Variants in NHLRC2 observed in about 807,000 individuals in gnomAD.
NHLRC2 encodes NHL repeat containing 2, also known as NHL repeat-containing protein 2.
A neutral mutation model predicts 68.1 loss-of-function variants in NHLRC2; 33 were observed. The ratio of observed to expected loss-of-function variants is 0.48; its 90% confidence interval spans 0.37 to 0.65. The LOEUF is 0.65. Among genes scored for constraint, NHLRC2 ranks in the 30% least tolerant of loss-of-function variants. The pLI is 0.00. For missense variants in NHLRC2, 761 were observed against 853.8 expected, an observed-to-expected ratio of 0.89 and a Z score of 1.35; for synonymous variants, 311 against 309.6, an observed-to-expected ratio of 1.00 and a Z score of -0.05.
At chr10:113,873,701 A>G (rs1172373938) in intron 2 of NHLRC2, among the ~76,000 whole-genome samples, 1 of 152,210 alleles carries the variant, frequency 6.6e-6, no homozygotes, top group Admixed American at 6.5e-5. Context: ...AGCAGAGAAC[A>G]AGGGCAAACC....
rs562992047 is a variant in NHLRC2, at chr10:113,875,402, T to C, written c.332-1119T>C. On this transcript the variant is annotated intron_variant, in intron 2 of 10. Transcript: ENST00000369301. ...TCATACTCAGAAATAAGGAGCCACC[T>C]TCCCCAGCTGTTCTCCTCAGGGTTT... Among the ~76,000 whole-genome samples the C allele has an allele frequency of 9.9e-5, 15 of 152,280 alleles. No homozygotes were observed. The South Asian group carries it at 3.1e-3, about 32-fold the overall frequency.
intron 5 of NHLRC2, among the ~76,000 whole-genome samples, chr10:113,885,862 T>C (rs905020851): frequency 6.6e-6 from 1 of 151,994 alleles, no homozygotes; most frequent in Non-Finnish European, 1.5e-5. Context: ...TAAATGTACA[T>C]TTTTATACTA....
intron 6 of NHLRC2, among the ~76,000 whole-genome samples, chr10:113,899,964 C>T (rs183835055): frequency 1.3e-5 from 2 of 151,816 alleles, no homozygotes; most frequent in Admixed American, 6.6e-5. Context: ...AAGAGGAAGA[C>T]GCAACATCAG....
At chr10:113,868,562 T>G (rs1845891922) in intron 2 of NHLRC2, among the ~76,000 whole-genome samples, 1 of 152,188 alleles carries the variant, frequency 6.6e-6, no homozygotes, top group Non-Finnish European at 1.5e-5. Flanking sequence ...ATAAATTCCT[T>G]CAGTATTTAT....
Position 113,915,347 on chromosome 10 carries a change from A to G in NHLRC2, c.*6811A>G. 2.4e-6 allele frequency: 1 copy of G among 408,280 alleles called. No individual in the cohort carries two copies. The highest frequency in any genetic ancestry group is 1.8e-5 in the South Asian group (1 of 55,092). The allele number at this position is 408,280 out of a possible 1,614,324, so 25.3% of individuals were successfully genotyped here. On this transcript the variant is annotated 3_prime_UTR_variant, in exon 11 of 11. Transcript: ENST00000369301. ...CCTTATACCAAAAAGCATTCTTGTA[A>G]CTGTCAGGGCATGGTATGAATTCCT...
rs771983485 is a variant in NHLRC2 at position 113,867,040 on chromosome 10, C to T, written c.331+8360C>T. 2.6e-5 allele frequency among the ~76,000 whole-genome samples: 4 copies of T among 152,278 alleles called. No individual in the cohort carries two copies. The South Asian group carries it at 8.3e-4, about 32-fold the overall frequency. On this transcript the variant is annotated intron_variant, in intron 2 of 10. Coordinates refer to ENST00000369301, the MANE Select transcript of NHLRC2 (RefSeq NM_198514.4). The stretch of plus-strand genomic sequence containing the variant: ...AAATAACCAAGGCTTTTATTGGGGG[C>T]TGGTCATGTAGGCAGCTTCTGCCTG...
In NHLRC2 at chr10:113,886,564, C is replaced by T. The variant is rs531080683; in HGVS notation, c.1039+2184C>T. Among the ~76,000 whole-genome samples, 25 of 152,176 alleles carry T rather than the reference C, an allele frequency of 1.6e-4. No individual in the cohort carries two copies. In the South Asian group the frequency reaches 4.8e-3, roughly 29 times the overall value. On this transcript the variant is annotated intron_variant, in intron 5 of 10. Transcript: ENST00000369301. The stretch of plus-strand genomic sequence containing the variant: ...TCAACCAATATAACAGGATAGAAAA[C>T]CCAGAAATAAACCCAAGTATTTACA...
chr10:113,891,273 T>A (rs956823395), intron 5 of NHLRC2, among the ~76,000 whole-genome samples: 1 of 152,220 alleles, frequency 6.6e-6, no homozygotes, highest in African/African-American at 2.4e-5. Context: ...CTAGGTTCTT[T>A]AACATACTAT....
At chr10:113,868,681 A>C (rs1845893314) in intron 2 of NHLRC2, among the ~76,000 whole-genome samples, 1 of 152,248 alleles carries the variant, frequency 6.6e-6, no homozygotes, top group African/African-American at 2.4e-5. Context: ...AAAAGAAGGC[A>C]TATAATTAAA....
At chr10:113,894,354 T>A (rs1490977532) in intron 5 of NHLRC2, among the ~76,000 whole-genome samples, 3 of 152,188 alleles carry the variant, frequency 2.0e-5, no homozygotes, top group Non-Finnish European at 4.4e-5. Context: ...AAATCTTTTT[T>A]ACCCTTAGGT....
chr10:113,898,036 T>A (rs1019309875), intron 5 of NHLRC2, 74 bp from the exon 6 acceptor site: 2 of 753,198 alleles, frequency 2.7e-6, no homozygotes, highest in African/African-American at 3.5e-5. Flanking sequence ...TCCATAAATT[T>A]AACATTTTAA....
rs2134746831 is a variant in NHLRC2, at chr10:113,911,090, C to T, written c.*2554C>T. 1 of 152,170 alleles carries T rather than the reference C, an allele frequency of 6.6e-6. No individual in the cohort carries two copies. Among genetic ancestry groups the T allele is most frequent in the African/African-American group, 2.4e-5 (1 of 41,534 alleles). 9.4% of individuals were successfully genotyped at this position (152,170 alleles called of 1,614,324 possible). A position where few individuals can be genotyped will look rare whatever the true frequency, so the allele number is the denominator to read the frequency against. Reference sequence around the variant, plus strand: ...TTTCTTGTTGGATAAATTATTATGTCCAGTGATAGTTTAAAAAGAACAAGA... The same window carrying T: ...TTTCTTGTTGGATAAATTATTATGTTCAGTGATAGTTTAAAAAGAACAAGA... On this transcript the variant is annotated 3_prime_UTR_variant, in exon 11 of 11. Transcript: ENST00000369301.
At chr10:113,901,517 T>G in intron 6 of NHLRC2, 149 bp from the exon 7 acceptor site, 1 of 620,944 alleles carries the variant, frequency 1.6e-6, no homozygotes, top group South Asian at 2.0e-5. Context: ...GAAAGCTGAC[T>G]TGAACAATTT....
intron 2 of NHLRC2, among the ~76,000 whole-genome samples, chr10:113,866,860 A>G (rs941063403): frequency 3.3e-5 from 5 of 151,870 alleles, no homozygotes; most frequent in African/African-American, 9.7e-5. Flanking sequence ...AAGCAGAATC[A>G]GGAAAGGGAA....
At position 113,901,732 on chromosome 10, in the gene NHLRC2, C is replaced by G. The variant is rs1299533665; in HGVS notation, c.1206C>G (p.Ala402=). 1.9e-6 allele frequency: 3 copies of G among 1,614,190 alleles called. No homozygotes were observed. Among genetic ancestry groups the G allele is most frequent in the Non-Finnish European group, 2.5e-6 (3 of 1,180,008 alleles). Residue 402 remains alanine (A), a synonymous_variant, in exon 7 of 11, where the codon GCC becomes GCG. Transcript: ENST00000369301. The part of the protein sequence containing the change: ...GSGNEENRNN[A]YPHKAGFAQP... ...GAAATGAAGAGAATCGAAACAATGC[C>G]TATCCTCACAAGGCAGGTTTTGCCC...
At position 113,910,011 on chromosome 10, in the gene NHLRC2, T is replaced by A. The variant is rs1846311705; in HGVS notation, c.*1475T>A. The A allele has an allele frequency of 6.6e-6, 1 of 152,198 alleles. No homozygotes were observed. The highest frequency in any genetic ancestry group is 1.5e-5 in the Non-Finnish European group (1 of 68,036). The allele number at this position is 152,198 out of a possible 1,614,324, so 9.4% of individuals were successfully genotyped here. ...AAGTAAGGATGTATAAATCATGACA[T>A]TGATTTAATTAGTCATCTACTGAAG... On this transcript the variant is annotated 3_prime_UTR_variant, in exon 11 of 11. Coordinates refer to ENST00000369301, the MANE Select transcript of NHLRC2 (RefSeq NM_198514.4).
chr10:113,903,051 G>C (rs1846242016), intron 8 of NHLRC2, among the ~76,000 whole-genome samples: 1 of 151,976 alleles, frequency 6.6e-6, no homozygotes, highest in South Asian at 2.1e-4. Context: ...AAAATCAGTG[G>C]ATAATAAATG....
chr10:113,863,001 A>T (rs1161089408), intron 2 of NHLRC2, among the ~76,000 whole-genome samples: 1 of 152,220 alleles, frequency 6.6e-6, no homozygotes, highest in African/African-American at 2.4e-5. Flanking sequence ...TACATAGATG[A>T]TATGATTATA....
At position 113,889,298 on chromosome 10, in the gene NHLRC2, T is replaced by C. The variant is rs1846111299; in HGVS notation, c.1039+4918T>C. 2.0e-5 allele frequency among the ~76,000 whole-genome samples: 3 copies of C among 152,318 alleles called. No homozygotes were observed. The South Asian group carries it at 6.2e-4, about 32-fold the overall frequency. On this transcript the variant is annotated intron_variant, in intron 5 of 10. Transcript: ENST00000369301. ...ACCTTTAATGGTTGAAATCCAACTA[T>C]TTAGTATGCTAGTCTGATAATCTAC...
Sources: gnomAD v4.1 joint callset for allele counts (sites outside exome capture counted in the v4.1 genomes callset) on GRCh38, gnomAD v4.1.1 for gene constraint, MANE v1.5 for transcripts, NCBI Gene and HGNC (gene_info 2026-07-23, HGNC 2026-07-21) for gene names.